Variants in GABRG3 observed in about 807,000 individuals in gnomAD.
GABRG3 encodes the protein gamma-aminobutyric acid type A receptor subunit gamma3, also known as gamma-aminobutyric acid receptor subunit gamma-3.
In GABRG3, 25 loss-of-function variants were observed where a neutral mutation model predicts 48.8. That is an observed-to-expected ratio of 0.51 (90% CI 0.37 to 0.72). GABRG3 has a LOEUF of 0.72. Among genes scored for constraint, GABRG3 ranks in the 30% least tolerant of loss-of-function variants. The pLI is 0.00. For missense variants in GABRG3, 394 were observed against 577.9 expected (o/e 0.68, Z 3.26); for synonymous variants, 227 against 217.6 (o/e 1.04, Z -0.38).
At chr15:27,429,813 C>A (rs1369409193) in intron 5 of GABRG3, among the ~76,000 whole-genome samples, 2 of 152,210 alleles carry the variant, frequency 1.3e-5, no homozygotes, top group Non-Finnish European at 2.9e-5. Context: ...AGCCATGGAT[C>A]TATTCTGTGG....
chr15:26,981,323 A>T (rs1306319038), intron 2 of GABRG3, among the ~76,000 whole-genome samples: 1 of 152,228 alleles, frequency 6.6e-6, no homozygotes, highest in Non-Finnish European at 1.5e-5. Context: ...TTCCTATTAT[A>T]TGTTACGGAT....
chr15:27,075,024 A>G (rs1164012347), intron 3 of GABRG3, among the ~76,000 whole-genome samples: 1 of 152,218 alleles, frequency 6.6e-6, no homozygotes, highest in African/African-American at 2.4e-5. Flanking sequence ...GTTGAAGGAC[A>G]TTTTTATTGA....
intron 3 of GABRG3, among the ~76,000 whole-genome samples, chr15:27,148,076 A>T (rs1454667): frequency 0.3 from 45,856 of 151,808 alleles, 7,551 homozygotes; most frequent in Middle Eastern, 0.37. Flanking sequence ...TACACTGATC[A>T]AGAGAAAAAG....
rs57913193 is a variant in GABRG3 at position 27,171,507 on chromosome 15, C to CATATAT, written c.270+144698_270+144703dup. Reference sequence around the variant, plus strand: ...AAATTGTGTGTGTGTGCATGTCTAACATATATATATATATATACATATACA... The same window carrying CATATAT: ...AAATTGTGTGTGTGTGCATGTCTAACATATATATATATATATATATATACATATACA... On this transcript the variant is annotated intron_variant, in intron 3 of 9. Coordinates refer to ENST00000615808, the MANE Select transcript of GABRG3 (RefSeq NM_033223.5). 9.6e-3 allele frequency among the ~76,000 whole-genome samples: 1,387 copies of CATATAT among 144,310 alleles called. 29 individuals are homozygous for CATATAT. The highest frequency in any genetic ancestry group is 0.031 in the African/African-American group (1,240 of 39,532). 94.7% of individuals were successfully genotyped at this position (144,310 alleles called of 152,430 possible). A position where few individuals can be genotyped will look rare whatever the true frequency, so the allele number is the denominator to read the frequency against.
At chr15:27,052,531 G>A (rs1896473356) in intron 3 of GABRG3, among the ~76,000 whole-genome samples, 2 of 152,188 alleles carry the variant, frequency 1.3e-5, no homozygotes, top group South Asian at 2.1e-4. Flanking sequence ...CACAGTGCCT[G>A]TGAGGGTGCA....
rs577206233 is a variant in GABRG3, at chr15:27,486,154, G to A, written c.712+5367G>A. 2.3e-4 allele frequency among the ~76,000 whole-genome samples: 35 copies of A among 152,278 alleles called. No homozygotes were observed. In the South Asian group the frequency reaches 6.2e-3, roughly 27 times the overall value. On this transcript the variant is annotated intron_variant, in intron 6 of 9. Transcript: ENST00000615808. ...GGTGCTCGGGTCAGGCTCAGAGCAC[G>A]CTTAGAAGCGGCTTTGTAGTGGAAG... is the stretch of plus-strand genomic sequence containing the variant.
intron 3 of GABRG3, among the ~76,000 whole-genome samples, chr15:27,214,753 C>G (rs1032507554): frequency 6.6e-6 from 1 of 150,480 alleles, no homozygotes; most frequent in Non-Finnish European, 1.5e-5. Flanking sequence ...TTTGAGAATC[C>G]TGGTCACTGG....
intron 3 of GABRG3, among the ~76,000 whole-genome samples, chr15:27,125,040 T>A (rs1472642495): frequency 6.6e-6 from 1 of 152,224 alleles, no homozygotes; most frequent in Non-Finnish European, 1.5e-5. Context: ...CTTTGGCTTT[T>A]AATGACAGCA....
chr15:27,100,701 A>G (rs935521694), intron 3 of GABRG3, among the ~76,000 whole-genome samples: 1 of 152,214 alleles, frequency 6.6e-6, no homozygotes, highest in Non-Finnish European at 1.5e-5. Context: ...GATCCACCAT[A>G]TTACAGGCAA....
At chr15:27,065,168 G>T (rs1369623963) in intron 3 of GABRG3, among the ~76,000 whole-genome samples, 2 of 152,022 alleles carry the variant, frequency 1.3e-5, no homozygotes, top group Non-Finnish European at 2.9e-5. Flanking sequence ...TGTTTATGGC[G>T]GTCTACTTTT....
At chr15:27,315,243 G>A (rs369318181) in intron 3 of GABRG3, among the ~76,000 whole-genome samples, 1 of 152,220 alleles carries the variant, frequency 6.6e-6, no homozygotes, top group African/African-American at 2.4e-5. Flanking sequence ...AGATTAGCAT[G>A]TCATTGAGAC....
intron 3 of GABRG3, among the ~76,000 whole-genome samples, chr15:27,042,635 C>T (rs890897659): frequency 6.6e-6 from 1 of 152,230 alleles, no homozygotes; most frequent in African/African-American, 2.4e-5. Flanking sequence ...GGGAGCCGCC[C>T]CTTGCTTCAT....
rs1038036586 is a variant in GABRG3 at position 27,541,036 on chromosome 15, G to A, written c.*8155G>A. 1.3e-5 allele frequency: 2 copies of A among 152,236 alleles called. No homozygotes were observed. Among genetic ancestry groups the A allele is most frequent in the Non-Finnish European group, 2.9e-5 (2 of 68,078 alleles). 9.4% of individuals were successfully genotyped at this position (152,236 alleles called of 1,614,324 possible). ...GAGAGGACAGAGGGAGAGAGAGAAA[G>A]TGGCAATCTGTACATTTCCTGACAA... On this transcript the variant is annotated 3_prime_UTR_variant, in exon 10 of 10. Coordinates refer to ENST00000615808, the MANE Select transcript of GABRG3 (RefSeq NM_033223.5).
intron 3 of GABRG3, among the ~76,000 whole-genome samples, chr15:27,032,842 G>A (rs1310202612): frequency 6.6e-6 from 1 of 151,990 alleles, no homozygotes; most frequent in East Asian, 1.9e-4. Flanking sequence ...TTTTTCCCTT[G>A]CCTCTCTGTA....
chr15:26,973,679 T>A (rs779441143), intron 1 of GABRG3, among the ~76,000 whole-genome samples: 1 of 152,190 alleles, frequency 6.6e-6, no homozygotes, highest in Non-Finnish European at 1.5e-5. Context: ...ACGCACTGAT[T>A]CCCACTCAGA....
chr15:27,171,398 C>T (rs530603165), intron 3 of GABRG3, among the ~76,000 whole-genome samples: 1 of 152,010 alleles, frequency 6.6e-6, no homozygotes, highest in Admixed American at 6.6e-5. Context: ...GGAACGTTGT[C>T]GTACATAGAT....
At chr15:27,406,621 G>A (rs765364461) in intron 5 of GABRG3, among the ~76,000 whole-genome samples, 1 of 152,146 alleles carries the variant, frequency 6.6e-6, no homozygotes, top group Non-Finnish European at 1.5e-5. Flanking sequence ...CGTCCAGGTC[G>A]TCAAAAACAA....
intron 3 of GABRG3, among the ~76,000 whole-genome samples, chr15:27,288,257 C>T (rs1373149947): frequency 6.6e-6 from 1 of 151,896 alleles, no homozygotes; most frequent in East Asian, 1.9e-4. Flanking sequence ...GACCAGGGGG[C>T]AAGGGATGGT....
intron 3 of GABRG3, among the ~76,000 whole-genome samples, chr15:27,091,404 T>C (rs1472599621): frequency 6.6e-6 from 1 of 152,228 alleles, no homozygotes; most frequent in Non-Finnish European, 1.5e-5. Context: ...TTTTTGCATA[T>C]ATATTCATAG....
Sources: gnomAD v4.1 joint callset for allele counts (sites outside exome capture counted in the v4.1 genomes callset) on GRCh38, gnomAD v4.1.1 for gene constraint, MANE v1.5 for transcripts, NCBI Gene and HGNC (gene_info 2026-07-23, HGNC 2026-07-21) for gene names.